WDR3: variants seen among roughly 807,000 people sequenced by gnomAD.
The protein encoded by WDR3 is WD repeat domain 3, also known as WD repeat-containing protein 3.
Under a neutral mutation model 123.7 loss-of-function variants are expected in WDR3, and 81 were observed. The observed-to-expected ratio is 0.65, with a 90% CI of 0.55 to 0.79. WDR3 has a LOEUF of 0.79. Ranked by LOEUF, WDR3 falls within the 30% of genes least tolerant of loss-of-function variation. The probability of loss-of-function intolerance (pLI) is 0.00; values close to 1 mark genes in which losing one functional copy is unlikely to be tolerated. For synonymous variants in WDR3, 390 were observed against 388.8 expected (o/e 1.00, Z -0.04); for missense variants, 1,027 against 1,123.2 (o/e 0.91, Z 1.22).
intron 25 of WDR3, 63 bp from the exon 26 acceptor site, chr1:117,958,843 GTTTC>G (rs1652609917): frequency 9.7e-7 from 1 of 1,028,686 alleles, no homozygotes; most frequent in Non-Finnish European, 1.4e-6. Context: ...TCTGTTTACT[GTTTC>G]TAGAAGGGTT....
At chr1:117,932,760 A>G (rs577479334) in intron 1 of WDR3, among the ~76,000 whole-genome samples, 1 of 152,326 alleles carries the variant, frequency 6.6e-6, no homozygotes, top group Admixed American at 6.5e-5. Context: ...CAACGTGACT[A>G]ATTTGGAACT....
chr1:117,963,510 C>A lies in WDR3; in HGVS notation c.*4063C>A, dbSNP rs1412014249. ...TCCAGAGTAGCTGGGACTACAGGCA[C>A]CCGCCACCACACTTGGCTGATTTTT... On this transcript the variant is annotated 3_prime_UTR_variant, in exon 27 of 27. Coordinates refer to ENST00000349139, the MANE Select transcript of WDR3 (RefSeq NM_006784.3). 5.6e-6 allele frequency: 1 copy of A among 178,528 alleles called. No homozygotes were observed. Among genetic ancestry groups the A allele is most frequent in the Admixed American group, 5.7e-5 (1 of 17,636 alleles). The allele number at this position is 178,528 out of a possible 1,614,324, so 11.1% of individuals were successfully genotyped here.
chr1:117,955,006 A>G, intron 23 of WDR3: 1 of 381,590 alleles, frequency 2.6e-6, no homozygotes, highest in Non-Finnish European at 4.7e-6. Context: ...TGATGGGAGA[A>G]TGTATGTTTA....
Position 117,949,751 on chromosome 1 carries a change from C to T in WDR3, c.1525C>T (p.Arg509Cys), listed in dbSNP as rs369953709. ...AATTGAAATTTCATTTGATTTTCAG[C>T]GTGGCTTTGTGACAGGTGGTGCAGA... ...LWSMSLSPDQ[R>C]GFVTGGADKS... The change falls in exon 14 of 27, where the codon CGT (arginine) becomes TGT (cysteine). Residue 509 changes from arginine to cysteine, a missense_variant and splice_region_variant. Physicochemically the swap from Arg to Cys is radical, Grantham distance 180. Transcript: ENST00000349139. The T allele has an allele frequency of 2.5e-5, 40 of 1,612,092 alleles. No homozygotes were observed. In the Middle Eastern group the frequency reaches 8.3e-4, roughly 33 times the overall value.
intron 6 of WDR3, 92 bp from the exon 7 acceptor site, chr1:117,940,729 GACAACA>G (rs529621497): frequency 7.5e-5 from 83 of 1,114,010 alleles, no homozygotes; most frequent in Admixed American, 3.2e-4. Flanking sequence ...CTCTGTCTCC[GACAACA>G]ACAACAACAA....
In WDR3 at chr1:117,940,884, C is replaced by G; in HGVS notation, c.733C>G (p.Gln245Glu). 1.2e-6 allele frequency: 2 copies of G among 1,614,024 alleles called. No homozygotes were observed. Among genetic ancestry groups the G allele is most frequent in the Non-Finnish European group, 1.7e-6 (2 of 1,179,990 alleles). The change falls in exon 7 of 27, where the codon CAA becomes GAA. Residue 245 changes from glutamine (Q) to glutamate (E), a missense_variant. Gln to Glu is a conservative substitution (Grantham distance 29). Transcript: ENST00000349139. Reference protein sequence around the residue: ...KKIKGSSPGIQDTLEAEDGAF... With the variant: ...KKIKGSSPGIEDTLEAEDGAF... ...AATCAAAGGATCTTCTCCTGGAATA[C>G]AAGATACTCTTGAGGCAGAGGATGG...
chr1:117,936,877 C>T lies in WDR3; in HGVS notation c.490C>T (p.Leu164=), dbSNP rs373164600. 3.1e-5 allele frequency: 50 copies of T among 1,611,280 alleles called. 1 individual carries two copies. Among genetic ancestry groups the T allele is most frequent in the Non-Finnish European group, 3.4e-6 (4 of 1,178,222 alleles). The change falls in exon 4 of 27, where the codon CTA becomes TTA. Residue 164 remains leucine, a synonymous_variant. Coordinates refer to ENST00000349139, the MANE Select transcript of WDR3 (RefSeq NM_006784.3). ...QALFLREKNL[L]VTSGKDTMVK... ...ATTGTTTCTACGAGAAAAGAACCTGCTAGTTACTAGGTAAAGAAATAATGG... is the reference window on the plus strand; with the variant it reads ...ATTGTTTCTACGAGAAAAGAACCTGTTAGTTACTAGGTAAAGAAATAATGG...
chr1:117,930,867 A>G (rs1650688569), intron 1 of WDR3, among the ~76,000 whole-genome samples: 1 of 152,200 alleles, frequency 6.6e-6, no homozygotes, highest in South Asian at 2.1e-4. Context: ...TGAGTTAGCA[A>G]TTTGCCATCT....
chr1:117,953,286 C>G (rs557856570), intron 20 of WDR3, among the ~76,000 whole-genome samples, 190 bp from the exon 21 acceptor site: 2 of 152,186 alleles, frequency 1.3e-5, no homozygotes, highest in East Asian at 3.9e-4. Context: ...TTTGGATATT[C>G]TCTTTTTAAA....
Position 117,964,040 on chromosome 1 carries a change from C to G in WDR3, c.*4593C>G. On this transcript the variant is annotated 3_prime_UTR_variant, in exon 27 of 27. Transcript: ENST00000349139. The stretch of plus-strand genomic sequence containing the variant: ...CATAGAATTTCTTCTCTGGCAACAT[C>G]AGTTCAATTTTAGGTAACTGTCTAT... The G allele has an allele frequency of 7.3e-7, 1 of 1,361,716 alleles. No individual in the cohort carries two copies. Among genetic ancestry groups the G allele is most frequent in the Non-Finnish European group, 1.0e-6 (1 of 995,180 alleles). The allele number at this position is 1,361,716 out of a possible 1,614,324, so 84.4% of individuals were successfully genotyped here.
At position 117,949,734 on chromosome 1, in the gene WDR3, T is replaced by A. The variant is rs540198949; in HGVS notation, c.1525-17T>A. 9.9e-6 allele frequency: 16 copies of A among 1,610,964 alleles called. No individual in the cohort carries two copies. The East Asian group carries it at 3.3e-4, about 34-fold the overall frequency. ...ATGCTAAAATAGTTTTTAATTGAAA[T>A]TTCATTTGATTTTCAGCGTGGCTTT... On this transcript the variant is annotated splice_polypyrimidine_tract_variant and intron_variant, in intron 13 of 26. Coordinates refer to ENST00000349139, the MANE Select transcript of WDR3 (RefSeq NM_006784.3).
At chr1:117,946,940 C>CA (rs55743091) in intron 12 of WDR3, among the ~76,000 whole-genome samples, 41,389 of 77,052 alleles carry the variant, frequency 0.54, 9,904 homozygotes, top group South Asian at 0.57. Context: ...GACTCCATCT[C>CA]AAAAAAAAAA....
chr1:117,951,120 T>G (rs1296855184), intron 16 of WDR3, among the ~76,000 whole-genome samples: 2 of 152,050 alleles, frequency 1.3e-5, no homozygotes, highest in Non-Finnish European at 1.5e-5. Flanking sequence ...TTATAAATAT[T>G]ATCTCTTTCC....
Position 117,963,994 on chromosome 1 carries a change from A to G in WDR3, c.*4547A>G. 2 of 1,541,150 alleles carry G rather than the reference A, an allele frequency of 1.3e-6. No homozygotes were observed. The highest frequency in any genetic ancestry group is 4.5e-5 in the East Asian group (2 of 44,166). ...ATGACTAAATTATTTGCATATATAA[A>G]CCTAAATAACATTTTAGAATCATAG... On this transcript the variant is annotated 3_prime_UTR_variant, in exon 27 of 27. Transcript: ENST00000349139.
intron 4 of WDR3, 105 bp downstream of exon 4, chr1:117,936,992 A>G (rs1650965078): frequency 1.0e-5 from 9 of 863,710 alleles, no homozygotes; most frequent in Non-Finnish European, 1.6e-5. Flanking sequence ...CTTATGCATT[A>G]GTTTTCTCTC....
chr1:117,937,507 A>G (rs545278790), intron 4 of WDR3, among the ~76,000 whole-genome samples: 5 of 152,304 alleles, frequency 3.3e-5, no homozygotes, highest in African/African-American at 1.2e-4. Flanking sequence ...TGCTTTACCA[A>G]TGGTGGATTT....
Position 117,957,192 on chromosome 1 carries a change from C to T in WDR3, c.2578C>T (p.Leu860Phe), listed in dbSNP as rs770550642. Residue 860 changes from leucine to phenylalanine, a missense_variant, in exon 25 of 27, where the codon CTT becomes TTT. Coordinates refer to ENST00000349139, the MANE Select transcript of WDR3 (RefSeq NM_006784.3). ...ELICRCLFFL[L>F]RIHFGQITSN... ...TATATGCCGGTGCCTCTTCTTCCTCCTTAGGTAACATCCTTTTCCAAAGAA... is the reference window on the plus strand; with the variant it reads ...TATATGCCGGTGCCTCTTCTTCCTCTTTAGGTAACATCCTTTTCCAAAGAA... The T allele has an allele frequency of 1.2e-6, 2 of 1,610,444 alleles. No homozygotes were observed. Among genetic ancestry groups the T allele is most frequent in the Non-Finnish European group, 1.7e-6 (2 of 1,178,730 alleles).
intron 21 of WDR3, 78 bp from the exon 22 acceptor site, chr1:117,953,929 G>T: frequency 6.5e-6 from 8 of 1,229,530 alleles, no homozygotes; most frequent in Non-Finnish European, 9.2e-6. Flanking sequence ...GCAAATTTCT[G>T]GTCAGTTCTT....
At chr1:117,932,143 T>C (rs547926432) in intron 1 of WDR3, among the ~76,000 whole-genome samples, 15 of 152,360 alleles carry the variant, frequency 9.8e-5, no homozygotes, top group African/African-American at 3.4e-4. Flanking sequence ...CATTCACCTC[T>C]TGTCCCTTTT....
Sources: gnomAD v4.1 joint callset for allele counts (sites outside exome capture counted in the v4.1 genomes callset) on GRCh38, gnomAD v4.1.1 for gene constraint, MANE v1.5 for transcripts, NCBI Gene and HGNC (gene_info 2026-07-23, HGNC 2026-07-21) for gene names.